The following CTDP1 variants were observed in gnomAD, a reference collection of about 807,000 sequenced individuals.
CTDP1 encodes CTD phosphatase 1.
Under a neutral mutation model 91.8 loss-of-function variants are expected in CTDP1, and 47 were observed. The ratio of observed to expected loss-of-function variants is 0.51; its 90% confidence interval spans 0.41 to 0.65. The LOEUF (loss-of-function observed/expected upper bound fraction) is 0.65. Among genes scored for constraint, CTDP1 ranks in the 30% least tolerant of loss-of-function variants. CTDP1 has a pLI of 0.00. For missense variants in CTDP1, 1,272 were observed against 1,373.7 expected (o/e 0.93, Z 1.17); for synonymous variants, 656 against 598.5 (o/e 1.10, Z -1.40).
At chr18:79,678,673 A>G (rs2085286641), upstream of CTDP1, 1 of 152,218 alleles carries the variant, frequency 6.6e-6, no homozygotes, top group Admixed American at 6.5e-5. Flanking sequence ...CAAATACAGG[A>G]TAATCTCAAT....
At chr18:79,709,375 T>G (rs1599240648) in intron 5 of CTDP1, among the ~76,000 whole-genome samples, 1 of 152,314 alleles carries the variant, frequency 6.6e-6, no homozygotes, top group South Asian at 2.1e-4. Context: ...GTTCAGAAGA[T>G]AAATTTATAG....
intron 1 of CTDP1, among the ~76,000 whole-genome samples, chr18:79,694,109 A>T (rs1332010476): frequency 6.6e-6 from 1 of 152,016 alleles, no homozygotes; most frequent in East Asian, 1.9e-4. Context: ...TGGCTGTCTC[A>T]TGTCCGCGGG....
chr18:79,691,508 G>GGGAGGAGTGGACGGCTCCCA (rs2085621646), intron 1 of CTDP1, among the ~76,000 whole-genome samples: 1 of 124,240 alleles, frequency 8.0e-6, no homozygotes, highest in African/African-American at 2.9e-5. Flanking sequence ...CTCGGGGTGG[G>GGGAGGAGTGGACGGCTCCCA]GAGGAGTGGA....
At chr18:79,751,889 C>T (rs375543702) in intron 12 of CTDP1, among the ~76,000 whole-genome samples, 2 of 152,224 alleles carry the variant, frequency 1.3e-5, no homozygotes, top group Admixed American at 1.3e-4. Flanking sequence ...TGGTGACTGT[C>T]CCTAGTTTCT....
chr18:79,736,871 T>G (rs1244308780), intron 12 of CTDP1, among the ~76,000 whole-genome samples: 1 of 144,524 alleles, frequency 6.9e-6, no homozygotes, highest in Non-Finnish European at 1.5e-5. Flanking sequence ...GTGAGGTATC[T>G]ACACGTGCGC....
rs2087055784 is a variant in CTDP1 at position 79,754,047 on chromosome 18, C to G, written c.*257C>G. 2 of 537,844 alleles carry G rather than the reference C, an allele frequency of 3.7e-6. No individual in the cohort carries two copies. The highest frequency in any genetic ancestry group is 3.2e-5 in the Admixed American group (1 of 31,152). 33.3% of individuals were successfully genotyped at this position (537,844 alleles called of 1,614,324 possible). A position where few individuals can be genotyped will look rare whatever the true frequency, so the allele number is the denominator to read the frequency against. On this transcript the variant is annotated 3_prime_UTR_variant, in exon 13 of 13. Transcript: ENST00000613122. ...TGCCAAAGAGCTCAGCAGAGGCTCA[C>G]GTGGCCCAGGCTGGTGCGCCCGCTG...
chr18:79,717,898 C>G lies in CTDP1; in HGVS notation c.2299C>G (p.Pro767Ala). The G allele has an allele frequency of 6.2e-7, 1 of 1,613,598 alleles. No individual in the cohort carries two copies. Among genetic ancestry groups the G allele is most frequent in the Non-Finnish European group, 8.5e-7 (1 of 1,180,024 alleles). Reference protein sequence around the residue: ...HPMPVLPKAQPGPEVRIYDSN... With the variant: ...HPMPVLPKAQAGPEVRIYDSN... ...GATGCCGGTTCTTCCCAAGGCCCAG[C>G]CTGGCCCCGAGGTTCGGATCTACGA... is the stretch of plus-strand genomic sequence containing the variant. The change falls in exon 10 of 13, where the codon CCT becomes GCT. Residue 767 changes from proline to alanine, a missense_variant. Pro to Ala is a conservative substitution (Grantham distance 27, BLOSUM62 -1). Transcript: ENST00000613122.
chr18:79,701,525 T>C (rs2085856557), intron 4 of CTDP1, among the ~76,000 whole-genome samples: 1 of 85,322 alleles, frequency 1.2e-5, no homozygotes. Flanking sequence ...AAATAATAAA[T>C]AAATTAAATA....
Position 79,744,741 on chromosome 18 carries a change from C to G in CTDP1, c.2747+8220C>G, listed in dbSNP as rs567275244. On this transcript the variant is annotated intron_variant, in intron 12 of 12. Transcript: ENST00000613122. ...CCAACTCACCAGTGGCAGAAACTGA[C>G]AAGCAAAGGGAGAGGCGGCCATGGC... Among the ~76,000 whole-genome samples the G allele has an allele frequency of 4.6e-5, 7 of 152,294 alleles. No homozygotes were observed. The South Asian group carries it at 1.5e-3, about 32-fold the overall frequency.
At chr18:79,753,486 C>T (rs1223072567) in intron 12 of CTDP1, among the ~76,000 whole-genome samples, 166 bp from the exon 13 acceptor site, 1 of 152,252 alleles carries the variant, frequency 6.6e-6, no homozygotes, top group Non-Finnish European at 1.5e-5. Flanking sequence ...GCTGTCCACA[C>T]GTGTGTGACG....
chr18:79,696,134 G>A, intron 3 of CTDP1, 64 bp downstream of exon 3: 3 of 1,428,192 alleles, frequency 2.1e-6, no homozygotes, highest in Non-Finnish European at 1.9e-6. Context: ...GCGGCTGCAG[G>A]AGGAGGGTGG....
In CTDP1 at chr18:79,713,057, G is replaced by A; in HGVS notation, c.949G>A (p.Val317Met). The change falls in exon 7 of 13, where the codon GTG (valine) becomes ATG (methionine). Residue 317 changes from valine (V) to methionine (M), a missense_variant. Transcript: ENST00000613122. The surrounding 1 kb of genome is among the most constrained non-coding windows in gnomAD (Gnocchi z 4.7). ...VWKFAPNLITVKKYVYFQGTG... is the reference protein window; with the variant it reads ...VWKFAPNLITMKKYVYFQGTG... Reference sequence around the variant, plus strand: ...GAAGTTTGCCCCCAATCTGATAACTGTGAAGAAATATGTATACTTCCAGGG... The same window carrying A: ...GAAGTTTGCCCCCAATCTGATAACTATGAAGAAATATGTATACTTCCAGGG... 6.2e-7 allele frequency: 1 copy of A among 1,614,162 alleles called. No individual in the cohort carries two copies. Among genetic ancestry groups the A allele is most frequent in the Non-Finnish European group, 8.5e-7 (1 of 1,180,030 alleles).
chr18:79,747,130 T>A (rs2086897789), intron 12 of CTDP1, among the ~76,000 whole-genome samples: 1 of 152,180 alleles, frequency 6.6e-6, no homozygotes, highest in Non-Finnish European at 1.5e-5. Flanking sequence ...AGTCCTTTCA[T>A]ACCAATACAC....
At chr18:79,704,687 C>G in intron 4 of CTDP1, 80 bp from the exon 5 acceptor site, 1 of 1,576,196 alleles carries the variant, frequency 6.3e-7, no homozygotes, top group South Asian at 1.1e-5. Context: ...CTCAGGATGC[C>G]TGTCTCGGGC....
At chr18:79,691,190 G>C (rs112513885) in intron 1 of CTDP1, among the ~76,000 whole-genome samples, 1 of 152,194 alleles carries the variant, frequency 6.6e-6, no homozygotes, top group South Asian at 2.1e-4. Context: ...AGTCGCTCTC[G>C]TCTGACTCGT....
chr18:79,698,218 G>C (rs764440316), intron 4 of CTDP1, among the ~76,000 whole-genome samples: 1 of 152,244 alleles, frequency 6.6e-6, no homozygotes, highest in Non-Finnish European at 1.5e-5. Flanking sequence ...GCTTCCTTCC[G>C]TGTGTGTGGG....
At chr18:79,708,046 T>C (rs188098099) in intron 5 of CTDP1, among the ~76,000 whole-genome samples, 3 of 152,384 alleles carry the variant, frequency 2.0e-5, no homozygotes. Flanking sequence ...AACAATCGCA[T>C]TTATTTCTCC....
At position 79,717,853 on chromosome 18, in the gene CTDP1, C is replaced by T; in HGVS notation, c.2254C>T (p.Pro752Ser). Residue 752 changes from proline to serine, a missense_variant, in exon 10 of 13, where the codon CCC becomes TCC. Coordinates refer to ENST00000613122, the MANE Select transcript of CTDP1 (RefSeq NM_004715.5). ...AAFPDREGVP[P>S]TALFHPMPVL... The stretch of plus-strand genomic sequence containing the variant: ...CTTTCCCGACCGGGAGGGTGTGCCC[C>T]CCACCGCCTTGTTCCACCCGATGCC... 1 of 1,613,666 alleles carries T rather than the reference C, an allele frequency of 6.2e-7. No homozygotes were observed. Among genetic ancestry groups the T allele is most frequent in the Non-Finnish European group, 8.5e-7 (1 of 1,180,002 alleles).
intron 11 of CTDP1, among the ~76,000 whole-genome samples, chr18:79,731,759 G>A (rs902645743): frequency 4.6e-5 from 7 of 152,220 alleles, no homozygotes; most frequent in African/African-American, 1.7e-4. Flanking sequence ...TTTAAATTCT[G>A]CATTTAATAT....
Sources: gnomAD v4.1 joint callset for allele counts (sites outside exome capture counted in the v4.1 genomes callset) on GRCh38, gnomAD v4.1.1 for gene constraint, Gnocchi (gnomAD v3.1) non-coding constraint, MANE v1.5 for transcripts, NCBI Gene and HGNC (gene_info 2026-07-23, HGNC 2026-07-21) for gene names.